VPS13C: variants seen among roughly 807,000 people sequenced by gnomAD.
VPS13C encodes the protein intermembrane lipid transfer protein VPS13C.
A neutral mutation model predicts 456.8 loss-of-function variants in VPS13C; 358 were observed. The ratio of observed to expected loss-of-function variants is 0.78; its 90% CI spans 0.72 to 0.86. The LOEUF (loss-of-function observed/expected upper bound fraction) is 0.86, where lower values mean the gene tolerates loss of function less well. Ranked by LOEUF, VPS13C falls within the 40% of genes least tolerant of loss-of-function variation. VPS13C has a pLI of 0.00. For synonymous variants in VPS13C, 1,578 were observed against 1,486.7 expected (o/e 1.06, Z -1.41); for missense variants, 4,818 against 4,385.4 (o/e 1.10, Z -2.79).
intron 1 of VPS13C, among the ~76,000 whole-genome samples, chr15:62,047,711 T>C (rs2048463872): frequency 6.6e-6 from 1 of 152,170 alleles, no homozygotes; most frequent in African/African-American, 2.4e-5. Flanking sequence ...AGTACTTATC[T>C]TGGTAAGGCA....
At chr15:62,009,902 A>G (rs1008290583) in intron 13 of VPS13C, among the ~76,000 whole-genome samples, 4 of 152,156 alleles carry the variant, frequency 2.6e-5, no homozygotes, top group Non-Finnish European at 5.9e-5. Context: ...ATCTTCCATC[A>G]ACAGGCCAGG....
At position 61,969,418 on chromosome 15, in the gene VPS13C, T is replaced by C; in HGVS notation, c.2792A>G (p.Glu931Gly). ...AACATTAAATACTAGAATTGTATCTTCTTCTTTCTGCTGTTTAGTAAATTC... is the reference window on the plus strand; with the variant it reads ...AACATTAAATACTAGAATTGTATCTCCTTCTTTCTGCTGTTTAGTAAATTC... ...ILEFTKQQKEEDTILVFNVTQ... is the reference protein window; with the variant it reads ...ILEFTKQQKEGDTILVFNVTQ... Residue 931 changes from glutamate (E) to glycine (G), a missense_variant, in exon 28 of 85, where the codon GAA (glutamate) becomes GGA (glycine). Glu to Gly is a moderately conservative substitution (Grantham distance 98). This residue lies in a region of VPS13C where 4,552 missense variants were observed against 4,130.6 expected (regional missense o/e 1.10). Coordinates refer to ENST00000644861, the MANE Select transcript of VPS13C (RefSeq NM_020821.3). 6.4e-7 allele frequency: 1 copy of C among 1,570,046 alleles called. No homozygotes were observed. The highest frequency in any genetic ancestry group is 1.2e-5 in the South Asian group (1 of 83,404).
In VPS13C at chr15:61,959,554, A is replaced by AGGAT. The variant is rs1162585063; in HGVS notation, c.3949_3950insATCC (p.Leu1317HisfsTer7). 1 of 1,613,192 alleles carries AGGAT rather than the reference A, an allele frequency of 6.2e-7. No homozygotes were observed. Among genetic ancestry groups the AGGAT allele is most frequent in the African/African-American group, 1.3e-5 (1 of 74,916 alleles). On this transcript the variant is annotated frameshift_variant, in exon 36 of 85. Coordinates refer to ENST00000644861, the MANE Select transcript of VPS13C (RefSeq NM_020821.3). LOFTEE classifies it high-confidence loss of function. ...AAATTCCAAGTTAATTGGGTGCAAC[A>AGGAT]GCTGAATATCAGGATGGTAGATGCC...
Position 61,858,554 on chromosome 15 carries a change from A to G in VPS13C, c.10953-2145T>C, listed in dbSNP as rs1894052981. 6.6e-6 allele frequency among the ~76,000 whole-genome samples: 1 copy of G among 152,176 alleles called. No individual in the cohort carries two copies. Among genetic ancestry groups the G allele is most frequent in the Admixed American group, 6.5e-5 (1 of 15,272 alleles). On this transcript the variant is annotated intron_variant, in intron 82 of 84. Transcript: ENST00000644861. This position sits in a 1 kb window ranked among gnomAD's most constrained non-coding sequence, Gnocchi z 4.4. ...CTCCAAGATTCCCCAACCCTGGTAT[A>G]TATCTCTGTATAGTGCCCTGGACTT...
At chr15:61,907,100 G>A in intron 66 of VPS13C, 164 bp downstream of exon 66, 2 of 888,288 alleles carry the variant, frequency 2.3e-6, no homozygotes, top group Admixed American at 2.0e-5. Flanking sequence ...TAATATACTG[G>A]TTTGAACTAC....
At chr15:61,910,894 T>A (rs2043284203) in intron 63 of VPS13C, among the ~76,000 whole-genome samples, 1 of 152,164 alleles carries the variant, frequency 6.6e-6, no homozygotes, top group Non-Finnish European at 1.5e-5. Context: ...AAATTCTATT[T>A]CTGAATAAAA....
chr15:62,001,667 C>A (rs1304044748), intron 15 of VPS13C, among the ~76,000 whole-genome samples: 2 of 152,150 alleles, frequency 1.3e-5, no homozygotes, highest in African/African-American at 2.4e-5. Context: ...TATCCCTCCC[C>A]CTCCCCACAA....
At chr15:62,003,529 T>C (rs982723334) in intron 15 of VPS13C, among the ~76,000 whole-genome samples, 7 of 152,168 alleles carry the variant, frequency 4.6e-5, no homozygotes, top group Non-Finnish European at 1.0e-4. Flanking sequence ...CCTGCCTAAT[T>C]GCCCTGGCCA....
rs191788026 is a variant in VPS13C at position 61,916,173 on chromosome 15, G to A, written c.8056-151C>T. 215 of 962,704 alleles carry A rather than the reference G, an allele frequency of 2.2e-4. No homozygotes were observed. In the Middle Eastern group the frequency reaches 7.0e-3, roughly 31 times the overall value. The allele number at this position is 962,704 out of a possible 1,614,324, so 59.6% of individuals were successfully genotyped here. ...CATGCTTACATATTACAAATGTCCA[G>A]TACTCACCAAGGACTAAAAAGAAAA... is the stretch of plus-strand genomic sequence containing the variant. On this transcript the variant is annotated intron_variant, in intron 60 of 84. Transcript: ENST00000644861.
At chr15:61,974,683 C>T (rs939494832) in intron 24 of VPS13C, among the ~76,000 whole-genome samples, 2 of 152,096 alleles carry the variant, frequency 1.3e-5, no homozygotes, top group Non-Finnish European at 2.9e-5. Context: ...AAACACAATT[C>T]TCTACCTTTC....
intron 66 of VPS13C, among the ~76,000 whole-genome samples, chr15:61,897,230 C>G (rs1408708473): frequency 2.6e-5 from 4 of 152,160 alleles, no homozygotes; most frequent in Admixed American, 2.0e-4. Context: ...TCCTCACCAG[C>G]AACGGAACAA....
chr15:62,009,865 A>G (rs1293732959), intron 13 of VPS13C, among the ~76,000 whole-genome samples: 2 of 152,170 alleles, frequency 1.3e-5, no homozygotes, highest in African/African-American at 4.8e-5. Flanking sequence ...CTTCCATTAA[A>G]AACTGAGGAG....
At chr15:62,051,730 C>T (rs1216537946) in intron 1 of VPS13C, among the ~76,000 whole-genome samples, 1 of 152,070 alleles carries the variant, frequency 6.6e-6, no homozygotes, top group Non-Finnish European at 1.5e-5. Context: ...ATTAGTATAA[C>T]AAGGGCACAG....
chr15:61,952,912 T>C (rs983571830), intron 38 of VPS13C, among the ~76,000 whole-genome samples: 7 of 151,688 alleles, frequency 4.6e-5, no homozygotes, highest in South Asian at 2.1e-4. Flanking sequence ...TTTGTAGAGA[T>C]GGGGTCTTGT....
At chr15:61,912,421 A>G (rs1460857734) in intron 62 of VPS13C, among the ~76,000 whole-genome samples, 1 of 152,146 alleles carries the variant, frequency 6.6e-6, no homozygotes, top group Non-Finnish European at 1.5e-5. Flanking sequence ...CAAATTTAAG[A>G]TTTAAGAAAT....
intron 14 of VPS13C, among the ~76,000 whole-genome samples, chr15:62,007,937 T>C (rs2140493857): frequency 6.6e-6 from 1 of 152,246 alleles, no homozygotes; most frequent in South Asian, 2.1e-4. Context: ...AAACCCCATC[T>C]GTACTAAAAA....
Position 61,911,951 on chromosome 15 carries a change from C to A in VPS13C, c.8604G>T (p.Leu2868=), listed in dbSNP as rs866933561. Residue 2868 remains leucine, a synonymous_variant, in exon 63 of 85, where the codon CTG becomes CTT. Transcript: ENST00000644861. ...TGTTTGCAATGGTACAAAAGGGAGT[C>A]AGGGTAACTATTCGTGAAAGGTTGA... is the stretch of plus-strand genomic sequence containing the variant. ...SSFNLSRIVT[L]TPFCTIANKS... The A allele has an allele frequency of 6.2e-7, 1 of 1,612,028 alleles. No homozygotes were observed. Among genetic ancestry groups the A allele is most frequent in the Middle Eastern group, 1.7e-4 (1 of 6,052 alleles).
chr15:61,875,961 T>C, intron 75 of VPS13C, 116 bp from the exon 76 acceptor site: 1 of 690,632 alleles, frequency 1.4e-6, no homozygotes, highest in Non-Finnish European at 2.3e-6. Flanking sequence ...AAGAAAGCTG[T>C]ATGGAATAAT....
At chr15:61,927,577 C>T (rs1421918405) in intron 51 of VPS13C, among the ~76,000 whole-genome samples, 1 of 152,190 alleles carries the variant, frequency 6.6e-6, no homozygotes, top group East Asian at 1.9e-4. Context: ...TCCTGTTTTA[C>T]ACTTTTACAC....
Sources: allele counts gnomAD v4.1 joint callset (sites outside exome capture counted in the v4.1 genomes callset), GRCh38; gene constraint gnomAD v4.1.1; regional missense constraint gnomAD v4.1.1; non-coding constraint Gnocchi (gnomAD v3.1); transcripts MANE v1.5; gene names NCBI Gene and HGNC (gene_info 2026-07-23, HGNC 2026-07-21).